The following PRDM15 variants were observed in gnomAD, a reference collection of about 807,000 sequenced individuals.
PRDM15 encodes the protein PR domain zinc finger protein 15.
Under a neutral mutation model 128.6 loss-of-function variants are expected in PRDM15, and 64 were observed. The ratio of observed to expected loss-of-function variants is 0.50; its 90% CI spans 0.41 to 0.61. The LOEUF (loss-of-function observed/expected upper bound fraction) is 0.61. Among genes scored for constraint, PRDM15 ranks in the 20% least tolerant of loss-of-function variants. PRDM15 has a pLI of 0.00. For synonymous variants in PRDM15, 615 were observed against 621.8 expected (o/e 0.99, Z 0.16); for missense variants, 1,242 against 1,569.1 (o/e 0.79, Z 3.52).
At chr21:41,824,137 C>A (rs1479889847) in intron 13 of PRDM15, among the ~76,000 whole-genome samples, 1 of 151,218 alleles carries the variant, frequency 6.6e-6, no homozygotes, top group Non-Finnish European at 1.5e-5. Context: ...GCCACGTAAT[C>A]CGGGGTGTGA....
intron 1 of PRDM15, chr21:41,867,516 G>A (rs1055347768): frequency 4.2e-5 from 25 of 600,164 alleles, no homozygotes; most frequent in East Asian, 8.7e-5. Context: ...TGAACATAGC[G>A]CACTACAGCC....
chr21:41,801,886 C>G (rs2061426973), intron 23 of PRDM15, among the ~76,000 whole-genome samples, 164 bp from the exon 24 acceptor site: 1 of 151,876 alleles, frequency 6.6e-6, no homozygotes, highest in Non-Finnish European at 1.5e-5. Context: ...CAGCGAGAAA[C>G]AAAAACAAGA....
At chr21:41,876,503 G>A (rs952334864) in intron 1 of PRDM15, among the ~76,000 whole-genome samples, 1 of 152,130 alleles carries the variant, frequency 6.6e-6, no homozygotes, top group Non-Finnish European at 1.5e-5. Flanking sequence ...AGAGGCTCCC[G>A]CAGCTGCTGC....
intron 1 of PRDM15, chr21:41,871,965 C>T (rs868404488): frequency 5.9e-5 from 12 of 202,206 alleles, no homozygotes; most frequent in South Asian, 3.6e-4. Context: ...CCCCAGGATA[C>T]AATGGAACAT....
chr21:41,823,814 T>A (rs190548647), intron 13 of PRDM15, among the ~76,000 whole-genome samples: 18 of 152,322 alleles, frequency 1.2e-4, no homozygotes, highest in Non-Finnish European at 1.8e-4. Context: ...AAAGGAGATA[T>A]CAAAAAAGAA....
chr21:41,834,585 A>G, intron 11 of PRDM15: 1 of 1,544,252 alleles, frequency 6.5e-7, no homozygotes, highest in Non-Finnish European at 8.7e-7. Context: ...GGGGACACAA[A>G]GGCAACAGTG....
chr21:41,843,911 C>T (rs1040333655), intron 6 of PRDM15, among the ~76,000 whole-genome samples: 27 of 146,750 alleles, frequency 1.8e-4, no homozygotes, highest in African/African-American at 6.1e-4. Flanking sequence ...ATCACACCAT[C>T]GCATTCCTGC....
Position 41,802,896 on chromosome 21 carries a change from T to G in PRDM15, c.2759A>C (p.Asp920Ala). The G allele has an allele frequency of 1.2e-6, 2 of 1,614,032 alleles. No individual in the cohort carries two copies. Among genetic ancestry groups the G allele is most frequent in the Non-Finnish European group, 1.7e-6 (2 of 1,180,030 alleles). The change falls in exon 23 of 24, where the codon GAT becomes GCT. Residue 920 changes from aspartate (D) to alanine (A), a missense_variant. Coordinates refer to ENST00000398548, the MANE Select transcript of PRDM15 (RefSeq NM_001040424.3). ...VQPELTLEQE[D>A]LAEGKHGKAA... ...TTTCCCGTGCTTCCCTTCGGCCAAA[T>G]CCTCCTGCTCCAGAGTCAGCTCAGG...
rs2061831603 is a variant in PRDM15 at position 41,810,536 on chromosome 21, T to C, written c.2477-207A>G. ...GGGAGCACTGCCAGCAGCAGCTGCATCACGGAACCAATATGAGAAAATTCA... is the reference window on the plus strand; with the variant it reads ...GGGAGCACTGCCAGCAGCAGCTGCACCACGGAACCAATATGAGAAAATTCA... On this transcript the variant is annotated intron_variant, in intron 20 of 23. Transcript: ENST00000398548. This position sits in a 1 kb window ranked among gnomAD's most constrained non-coding sequence, Gnocchi z 6.4. 3.1e-6 allele frequency: 2 copies of C among 649,410 alleles called. No homozygotes were observed. The highest frequency in any genetic ancestry group is 5.3e-6 in the Non-Finnish European group (2 of 378,952). The allele number at this position is 649,410 out of a possible 1,614,324, so 40.2% of individuals were successfully genotyped here.
intron 11 of PRDM15, among the ~76,000 whole-genome samples, chr21:41,831,061 C>T (rs2062673873): frequency 6.6e-6 from 1 of 152,252 alleles, no homozygotes; most frequent in Non-Finnish European, 1.5e-5. Flanking sequence ...GCTGGGTGAC[C>T]CAGGAGCGGG....
At chr21:41,846,072 G>A (rs1331436169) in intron 6 of PRDM15, among the ~76,000 whole-genome samples, 1 of 152,176 alleles carries the variant, frequency 6.6e-6, no homozygotes, top group Non-Finnish European at 1.5e-5. Flanking sequence ...TGAGTAGGAT[G>A]TCTCAGGAAC....
intron 13 of PRDM15, 37 bp from the exon 14 acceptor site, chr21:41,823,486 G>A (rs1156867945): frequency 7.8e-6 from 12 of 1,537,604 alleles, no homozygotes; most frequent in Admixed American, 2.0e-5. Context: ...GGGCTGCGGC[G>A]TCTCGTGACG....
At chr21:41,809,040 C>T (rs190004272) in intron 21 of PRDM15, among the ~76,000 whole-genome samples, 3 of 152,322 alleles carry the variant, frequency 2.0e-5, no homozygotes, top group South Asian at 2.1e-4. Context: ...CCGCCGCTAC[C>T]GTTTGCTTTT....
At chr21:41,874,520 T>TAC in intron 1 of PRDM15, among the ~76,000 whole-genome samples, 1 of 76,880 alleles carries the variant, frequency 1.3e-5, no homozygotes, top group African/African-American at 4.6e-5. Flanking sequence ...TATATATATA[T>TAC]ATATATTTTT....
chr21:41,810,662 A>G lies in PRDM15; in HGVS notation c.2476+91T>C. ...AATGTGCTGGAACCGTCTAGATAAT[A>G]GAATAGTCGTTTCCACCCCAGCAGG... On this transcript the variant is annotated intron_variant, in intron 20 of 23. Transcript: ENST00000398548. The surrounding 1 kb of genome is among the most constrained non-coding windows in gnomAD (Gnocchi z 6.4). 1 of 1,015,004 alleles carries G rather than the reference A, an allele frequency of 9.9e-7. No individual in the cohort carries two copies. The highest frequency in any genetic ancestry group is 1.6e-5 in the African/African-American group (1 of 63,608). 62.9% of individuals were successfully genotyped at this position (1,015,004 alleles called of 1,614,324 possible).
chr21:41,835,329 T>A (rs577413806), intron 11 of PRDM15, 108 bp downstream of exon 11: 5 of 882,250 alleles, frequency 5.7e-6, no homozygotes, highest in Non-Finnish European at 9.2e-6. Flanking sequence ...TGAGGCTGTC[T>A]ATTCATGAAA....
At chr21:41,878,734 G>A in intron 1 of PRDM15, 2 of 1,571,430 alleles carry the variant, frequency 1.3e-6, no homozygotes, top group Non-Finnish European at 1.7e-6. Flanking sequence ...GGGGGTCCAG[G>A]GACCCCCCCG....
chr21:41,829,855 T>C (rs1366647302), intron 11 of PRDM15, among the ~76,000 whole-genome samples: 1 of 141,472 alleles, frequency 7.1e-6, no homozygotes, highest in African/African-American at 2.7e-5. Flanking sequence ...CCATATACAT[T>C]ATCACATACC....
chr21:41,803,734 C>T (rs772101075), intron 22 of PRDM15, among the ~76,000 whole-genome samples: 1 of 152,198 alleles, frequency 6.6e-6, no homozygotes, highest in Non-Finnish European at 1.5e-5. Flanking sequence ...GTACGTCACT[C>T]AGCCGGACCC....
Sources: allele counts gnomAD v4.1 joint callset (sites outside exome capture counted in the v4.1 genomes callset), GRCh38; gene constraint gnomAD v4.1.1; non-coding constraint Gnocchi (gnomAD v3.1); transcripts MANE v1.5; gene names NCBI Gene and HGNC (gene_info 2026-07-23, HGNC 2026-07-21).